The following GPC4 variants were observed in gnomAD, a reference collection of about 807,000 sequenced individuals.
GPC4 encodes the protein glypican 4, also known as glypican-4.
In GPC4, 10 loss-of-function variants were observed where a neutral mutation model predicts 35.0. The ratio of observed to expected loss-of-function variants is 0.29; its 90% CI spans 0.18 to 0.48. The LOEUF is 0.48. GPC4 is among the 20% of genes least tolerant of loss of function. GPC4 has a pLI of 0.99. For missense variants in GPC4, 322 were observed against 451.3 expected, an observed-to-expected ratio of 0.71 and a Z score of 2.60; for synonymous variants, 167 against 170.2, an observed-to-expected ratio of 0.98 and a Z score of 0.15.
chrX:133,378,588 G>GA (rs71786541), intron 1 of GPC4, among the ~76,000 whole-genome samples: 953 of 63,088 alleles, frequency 0.015, 11 homozygotes, highest in South Asian at 0.073. Flanking sequence ...AAAAAAAAAA[G>GA]AAAAAAAAAA....
At chrX:133,316,268 A>T (rs762874494) in intron 3 of GPC4, among the ~76,000 whole-genome samples, 1 of 112,010 alleles carries the variant, frequency 8.9e-6, no homozygotes, top group African/African-American at 3.2e-5. Context: ...GTATTATCTC[A>T]TTTCACAGAT....
At chrX:133,307,544 A>T (rs932474334) in intron 4 of GPC4, among the ~76,000 whole-genome samples, 1 of 112,092 alleles carries the variant, frequency 8.9e-6, no homozygotes, top group African/African-American at 3.2e-5. Flanking sequence ...AACTCTAAGT[A>T]AGGGCTGAAA....
At chrX:133,323,650 G>A (rs1603063923) in intron 3 of GPC4, among the ~76,000 whole-genome samples, 2 of 112,177 alleles carry the variant, frequency 1.8e-5, no homozygotes, top group African/African-American at 3.2e-5. Context: ...ACTAATTGTC[G>A]TAGAAACCTG....
At chrX:133,347,266 T>TG (rs2068497253) in intron 1 of GPC4, among the ~76,000 whole-genome samples, 1 of 94,343 alleles carries the variant, frequency 1.1e-5, no homozygotes, top group African/African-American at 3.9e-5. Context: ...TTTTTTTTTT[T>TG]TTTTTTTTTT....
chrX:133,306,569 A>C (rs764246167), intron 4 of GPC4, among the ~76,000 whole-genome samples: 17 of 111,704 alleles, frequency 1.5e-4, no homozygotes, highest in Non-Finnish European at 2.8e-4. Context: ...TTCCATTTAC[A>C]AGAGTCAAAA....
At position 133,311,274 on chromosome X, in the gene GPC4, T is replaced by C. The variant is rs1221525406; in HGVS notation, c.861A>G (p.Glu287=). The change falls in exon 4 of 9, where the codon GAA becomes GAG. Residue 287 remains glutamate (E), a synonymous_variant. Transcript: ENST00000370828. The part of the protein sequence containing the change: ...CLANQGDLDF[E]WNNFIDAMLM... ...CTTGCTCACCTATGAAATTGTTCCA[T>C]TCAAAATCGAGATCCCCTTGGTTGG... 8.3e-7 allele frequency: 1 copy of C among 1,211,511 alleles called. No individual in the cohort carries two copies. The highest frequency in any genetic ancestry group is 1.1e-6 in the Non-Finnish European group (1 of 895,331).
intron 1 of GPC4, among the ~76,000 whole-genome samples, chrX:133,389,120 C>A (rs995896733): frequency 1.2e-4 from 13 of 109,707 alleles, no homozygotes; most frequent in African/African-American, 4.0e-4. Flanking sequence ...CTATACCCAG[C>A]CAATTTTTTT....
chrX:133,374,336 A>G (rs2068624809), intron 1 of GPC4, among the ~76,000 whole-genome samples: 1 of 111,557 alleles, frequency 9.0e-6, no homozygotes, highest in Non-Finnish European at 1.9e-5. Context: ...AGGGCAGCAA[A>G]AATTAAAGGA....
Position 133,311,298 on chromosome X carries a change from GGC to G in GPC4, c.835_836del (p.Ala279GlnfsTer8). ...ATTCAAAATCGAGATCCCCTTGGTT[GGC>G]CAAACAGCCTCTCATGATGTTTGAG... The part of the protein sequence containing the change: ...YCSNIMRGCL[A>X]NQGDLDFEWN... On this transcript the variant is annotated frameshift_variant, in exon 4 of 9. Transcript: ENST00000370828. LOFTEE classifies it high-confidence loss of function. 1 of 1,211,593 alleles carries G rather than the reference GGC, an allele frequency of 8.3e-7. No homozygotes were observed. The highest frequency in any genetic ancestry group is 1.1e-6 in the Non-Finnish European group (1 of 895,274).
chrX:133,414,076 G>A (rs1343219044), intron 1 of GPC4, among the ~76,000 whole-genome samples: 1 of 111,052 alleles, frequency 9.0e-6, no homozygotes, highest in African/African-American at 3.3e-5. Flanking sequence ...TAAGAAAAAA[G>A]AAAGAGGGGA....
intron 1 of GPC4, among the ~76,000 whole-genome samples, chrX:133,378,960 C>G (rs1296842686): frequency 8.9e-6 from 1 of 112,323 alleles, no homozygotes; most frequent in Non-Finnish European, 1.9e-5. Context: ...TGAGCACAGA[C>G]TTTGGAGTCA....
At chrX:133,321,569 C>T (rs1324489188) in intron 3 of GPC4, among the ~76,000 whole-genome samples, 3 of 112,577 alleles carry the variant, frequency 2.7e-5, no homozygotes, top group Non-Finnish European at 3.7e-5. Flanking sequence ...CATGCATGCA[C>T]AGATGTCCAA....
At chrX:133,389,106 G>A (rs773937536) in intron 1 of GPC4, among the ~76,000 whole-genome samples, 3 of 109,450 alleles carry the variant, frequency 2.7e-5, no homozygotes, top group African/African-American at 1.0e-4. Flanking sequence ...ACAGGCGTGC[G>A]CCACTATACC....
At chrX:133,313,641 A>G (rs2068325547) in intron 3 of GPC4, among the ~76,000 whole-genome samples, 1 of 111,754 alleles carries the variant, frequency 8.9e-6, no homozygotes, top group South Asian at 3.8e-4. Flanking sequence ...GAAGTCTTAG[A>G]GTTGGAAGGG....
intron 5 of GPC4, 44 bp from the exon 6 acceptor site, chrX:133,305,962 A>T (rs765046024): frequency 1.7e-5 from 20 of 1,210,008 alleles, no homozygotes; most frequent in Non-Finnish European, 2.2e-5. Context: ...GTCACTCCCA[A>T]GGCGGGAGGC....
chrX:133,334,973 G>T (rs2068435667), intron 2 of GPC4, among the ~76,000 whole-genome samples: 1 of 111,754 alleles, frequency 8.9e-6, no homozygotes, highest in Admixed American at 9.5e-5. Context: ...ACCTATTTGG[G>T]ATTTTAACTA....
intron 1 of GPC4, among the ~76,000 whole-genome samples, chrX:133,373,876 G>A (rs184736606): frequency 4.6e-4 from 51 of 111,468 alleles, no homozygotes; most frequent in African/African-American, 1.6e-3. Context: ...TTATCACAGG[G>A]AAGTGATTGT....
chrX:133,413,913 A>T (rs1211041594), intron 1 of GPC4, among the ~76,000 whole-genome samples: 1 of 105,126 alleles, frequency 9.5e-6, no homozygotes, highest in African/African-American at 3.5e-5. Flanking sequence ...TACACCCCCC[A>T]TCCCACCCCA....
intron 1 of GPC4, among the ~76,000 whole-genome samples, chrX:133,401,473 G>A (rs774892682): frequency 8.9e-6 from 1 of 111,739 alleles, no homozygotes; most frequent in Non-Finnish European, 1.9e-5. Flanking sequence ...TGAAAGCAGA[G>A]CCCAAAGGTA....
Sources: gnomAD v4.1 joint callset for allele counts (sites outside exome capture counted in the v4.1 genomes callset) on GRCh38, gnomAD v4.1.1 for gene constraint, MANE v1.5 for transcripts, NCBI Gene and HGNC (gene_info 2026-07-23, HGNC 2026-07-21) for gene names.